Variants in ZNF516 observed in about 807,000 individuals in gnomAD.
ZNF516 encodes the protein zinc finger protein 516.
Under a neutral mutation model 79.7 loss-of-function variants are expected in ZNF516, and 19 were observed. The ratio of observed to expected loss-of-function variants is 0.24; its 90% CI spans 0.17 to 0.35. The LOEUF (loss-of-function observed/expected upper bound fraction) is 0.35, where lower values mean the gene tolerates loss of function less well. ZNF516 is among the 10% of genes least tolerant of loss of function. The probability of loss-of-function intolerance (pLI) is 1.00; values close to 1 mark genes in which losing one functional copy is unlikely to be tolerated. For synonymous variants in ZNF516, 877 were observed against 739.5 expected, an observed-to-expected ratio of 1.19 and a Z score of -3.02; for missense variants, 1,678 against 1,679.5, an observed-to-expected ratio of 1.00 and a Z score of 0.02.
At chr18:76,486,852 C>G in intron 1 of ZNF516, among the ~76,000 whole-genome samples, 1 of 152,236 alleles carries the variant, frequency 6.6e-6, no homozygotes, top group East Asian at 1.9e-4. Context: ...ATAGACTTTA[C>G]TTACTTCCTG....
intron 3 of ZNF516, among the ~76,000 whole-genome samples, chr18:76,394,606 GGGGAA>G (rs1568255204): frequency 0.61 from 23 of 38 alleles, 10 homozygotes; most frequent in Middle Eastern, 1. Context: ...GGTCAGGTGG[GGGGAA>G]GGCAGGTGGT....
chr18:76,420,608 A>G (rs2075493962), intron 3 of ZNF516, among the ~76,000 whole-genome samples: 1 of 152,206 alleles, frequency 6.6e-6, no homozygotes, highest in South Asian at 2.1e-4. Context: ...TAAGTAGGAC[A>G]GATGATCAAA....
At chr18:76,398,965 G>A (rs2075181967) in intron 3 of ZNF516, among the ~76,000 whole-genome samples, 2 of 151,998 alleles carry the variant, frequency 1.3e-5, no homozygotes, top group South Asian at 4.2e-4. Context: ...TTAAAATCAG[G>A]CATGTGTCTG....
At position 76,401,985 on chromosome 18, in the gene ZNF516, ATGTGTGTACGCGCGTGTGTACACGTT is replaced by A. The variant is rs529302434; in HGVS notation, c.1811-21708_1811-21683del. Among the ~76,000 whole-genome samples the A allele has an allele frequency of 9.9e-3, 1,500 of 152,072 alleles. 22 individuals carry two copies. Among genetic ancestry groups the A allele is most frequent in the Non-Finnish European group, 0.015 (1,033 of 67,942 alleles). On this transcript the variant is annotated intron_variant, in intron 3 of 6. Coordinates refer to ENST00000443185, the MANE Select transcript of ZNF516 (RefSeq NM_014643.4). The stretch of plus-strand genomic sequence containing the variant: ...CACATGCATGTGCGTGCCTATGTGC[ATGTGTGTACGCGCGTGTGTACACGTT>A]TGTGTGTACACGTGCGCGCATGTGT...
intron 3 of ZNF516, among the ~76,000 whole-genome samples, chr18:76,413,509 C>G (rs2075396817): frequency 6.6e-6 from 1 of 152,062 alleles, no homozygotes; most frequent in African/African-American, 2.4e-5. Context: ...ATCAATCAAC[C>G]AACTACATTC....
intron 3 of ZNF516, among the ~76,000 whole-genome samples, chr18:76,435,496 T>C (rs942243645): frequency 2.6e-5 from 4 of 152,228 alleles, no homozygotes; most frequent in African/African-American, 7.2e-5. Context: ...CTGTGAACAA[T>C]CACCGTCGTG....
At chr18:76,428,243 A>C (rs77603337) in intron 3 of ZNF516, among the ~76,000 whole-genome samples, 3 of 151,860 alleles carry the variant, frequency 2.0e-5, no homozygotes, top group Non-Finnish European at 4.4e-5. Context: ...AAAAAAAAAA[A>C]TTAGCCGGGC....
chr18:76,471,101 C>T (rs1913809211), intron 1 of ZNF516, among the ~76,000 whole-genome samples: 1 of 151,946 alleles, frequency 6.6e-6, no homozygotes, highest in South Asian at 2.1e-4. Flanking sequence ...TACAGTATTC[C>T]TCACCAATCT....
In ZNF516 at chr18:76,358,312, A is replaced by T. The variant is rs1230201636; in HGVS notation, c.*4186T>A. 2.0e-5 allele frequency: 3 copies of T among 152,282 alleles called. No individual in the cohort carries two copies. Among genetic ancestry groups the T allele is most frequent in the African/African-American group, 7.2e-5 (3 of 41,472 alleles). 9.4% of individuals were successfully genotyped at this position (152,282 alleles called of 1,614,324 possible). ...TTTTCAGAAATAGTTAAATACATCA[A>T]TCTAGTTACAAATTCTAATATAAAG... On this transcript the variant is annotated 3_prime_UTR_variant, in exon 7 of 7. Transcript: ENST00000443185.
chr18:76,442,342 T>C lies in ZNF516; in HGVS notation c.713A>G (p.Asn238Ser), dbSNP rs1911727400. 1 of 1,610,630 alleles carries C rather than the reference T, an allele frequency of 6.2e-7. No homozygotes were observed. Among genetic ancestry groups the C allele is most frequent in the East Asian group, 2.2e-5 (1 of 44,808 alleles). Reference sequence around the variant, plus strand: ...CCCGGGGCTCAGCTCGGGCTTGCCGTTCTCCACGCAGGCCTCGCCGCTGCC... The same window carrying C: ...CCCGGGGCTCAGCTCGGGCTTGCCGCTCTCCACGCAGGCCTCGCCGCTGCC... ...GPGSGEACVE[N>S]GKPELSPGEF... is the part of the protein sequence containing the mutation. The change falls in exon 3 of 7, where the codon AAC becomes AGC. Residue 238 changes from asparagine to serine, a missense_variant. This residue lies in a region of ZNF516 where 279 missense variants were observed against 254.1 expected (regional missense o/e 1.10). Transcript: ENST00000443185.
At chr18:76,495,699 C>T (rs1276049387), upstream of ZNF516, 1 of 1,191,680 alleles carries the variant, frequency 8.4e-7, no homozygotes, top group Admixed American at 3.5e-5. Flanking sequence ...TACGTACAGA[C>T]GTGCTCGGGA....
At chr18:76,420,823 A>G (rs559511171) in intron 3 of ZNF516, among the ~76,000 whole-genome samples, 1 of 152,358 alleles carries the variant, frequency 6.6e-6, no homozygotes, top group South Asian at 2.1e-4. Flanking sequence ...TATGCTTAGT[A>G]GTGAAATTCC....
intron 2 of ZNF516, among the ~76,000 whole-genome samples, chr18:76,452,564 G>T (rs772572611): frequency 6.6e-6 from 1 of 152,090 alleles, no homozygotes; most frequent in Non-Finnish European, 1.5e-5. Context: ...TTATTCTTCC[G>T]CAAGTAGGTT....
chr18:76,466,773 G>T lies in ZNF516; in HGVS notation c.-271-3632C>A, dbSNP rs191866879. On this transcript the variant is annotated intron_variant, in intron 1 of 6. Coordinates refer to ENST00000443185, the MANE Select transcript of ZNF516 (RefSeq NM_014643.4). ...GAAGGGACCCTGGACATGCACAGGG[G>T]CCACGAGGGCCATCCCTGCTGGGAC... 1.2e-4 allele frequency among the ~76,000 whole-genome samples: 19 copies of T among 152,318 alleles called. No homozygotes were observed. In the East Asian group the frequency reaches 3.5e-3, roughly 28 times the overall value.
rs1419068121 is a variant in ZNF516 at position 76,467,669 on chromosome 18, C to T, written c.-271-4528G>A. On this transcript the variant is annotated intron_variant, in intron 1 of 6. Coordinates refer to ENST00000443185, the MANE Select transcript of ZNF516 (RefSeq NM_014643.4). The surrounding 1 kb of genome is among the most constrained non-coding windows in gnomAD (Gnocchi z 4.2). ...AGAAAGACAACAGCCCCAGCCCACT[C>T]AAAGGCTACACCTCAAAAACATGTT... is the stretch of plus-strand genomic sequence containing the variant. Among the ~76,000 whole-genome samples, 1 of 152,212 alleles carries T rather than the reference C, an allele frequency of 6.6e-6. No individual in the cohort carries two copies.
At chr18:76,490,280 T>C in intron 1 of ZNF516, 1 of 830,252 alleles carries the variant, frequency 1.2e-6, no homozygotes, top group Non-Finnish European at 1.5e-6. Flanking sequence ...CACTCTCCAA[T>C]TTTACTAAGG....
chr18:76,464,486 C>T (rs1375825666), intron 1 of ZNF516, among the ~76,000 whole-genome samples: 1 of 152,248 alleles, frequency 6.6e-6, no homozygotes, highest in African/African-American at 2.4e-5. Flanking sequence ...GTCATGGAGA[C>T]AAAGGTGCAG....
At chr18:76,400,434 G>C (rs1449717750) in intron 3 of ZNF516, among the ~76,000 whole-genome samples, 1 of 152,200 alleles carries the variant, frequency 6.6e-6, no homozygotes, top group Non-Finnish European at 1.5e-5. Context: ...TAAACGCCCA[G>C]AAAGTTAAAA....
intron 3 of ZNF516, among the ~76,000 whole-genome samples, chr18:76,398,732 A>C (rs1055868461): frequency 1.3e-5 from 2 of 152,230 alleles, no homozygotes; most frequent in Non-Finnish European, 2.9e-5. Flanking sequence ...CATAGGAGGG[A>C]GTAAGTCTCA....
Sources: gnomAD v4.1 joint callset for allele counts (sites outside exome capture counted in the v4.1 genomes callset) on GRCh38, gnomAD v4.1.1 for gene constraint, gnomAD v4.1.1 regional missense constraint, Gnocchi (gnomAD v3.1) non-coding constraint, MANE v1.5 for transcripts, NCBI Gene and HGNC (gene_info 2026-07-23, HGNC 2026-07-21) for gene names.